The following PACRG variants were observed in gnomAD, a reference collection of about 807,000 sequenced individuals.
The protein encoded by PACRG is parkin coregulated gene protein.
Under a neutral mutation model 29.7 loss-of-function variants are expected in PACRG, and 29 were observed. The observed-to-expected ratio is 0.98, with a 90% CI of 0.73 to 1.33. The LOEUF (loss-of-function observed/expected upper bound fraction) is 1.33, where lower values mean the gene tolerates loss of function less well. Ranked by LOEUF, PACRG falls within the 40% of genes most tolerant of loss-of-function variation. PACRG has a pLI of 0.00. For missense variants in PACRG, 279 were observed against 316.2 expected, an observed-to-expected ratio of 0.88 and a Z score of 0.89; for synonymous variants, 116 against 118.7, an observed-to-expected ratio of 0.98 and a Z score of 0.15.
In PACRG at chr6:163,059,539, G is replaced by T. The variant is rs977275761; in HGVS notation, c.292-2611G>T. 2.2e-4 allele frequency among the ~76,000 whole-genome samples: 33 copies of T among 152,032 alleles called. 1 individual carries two copies. Among genetic ancestry groups the T allele is most frequent in the Admixed American group, 2.2e-3 (33 of 15,274 alleles). On this transcript the variant is annotated intron_variant, in intron 2 of 4. Transcript: ENST00000366888. Reference sequence around the variant, plus strand: ...ATGATAAAGAGGATAAGGACATAAGGGTAAATTCAACAATTTACCAGGAGG... The same window carrying T: ...ATGATAAAGAGGATAAGGACATAAGTGTAAATTCAACAATTTACCAGGAGG...
At chr6:163,241,779 A>G (rs1406510943) in intron 4 of PACRG, among the ~76,000 whole-genome samples, 2 of 152,206 alleles carry the variant, frequency 1.3e-5, no homozygotes, top group Non-Finnish European at 2.9e-5. Context: ...TGTAGAAGGC[A>G]AAAGGGGAAA....
rs560170938 is a variant in PACRG at position 163,008,792 on chromosome 6, A to G, written c.292-53358A>G. 3.9e-4 allele frequency among the ~76,000 whole-genome samples: 59 copies of G among 151,946 alleles called. 1 individual carries two copies. The highest frequency in any genetic ancestry group is 7.7e-4 in the Non-Finnish European group (52 of 67,962). ...GTAACGTGAAAGGAGCTTCTAATCTACTAAACAGAACATCCATACATGTCA... is the reference window on the plus strand; with the variant it reads ...GTAACGTGAAAGGAGCTTCTAATCTGCTAAACAGAACATCCATACATGTCA... On this transcript the variant is annotated intron_variant, in intron 2 of 4. Transcript: ENST00000366888.
chr6:163,305,934 C>G (rs1295723240), intron 4 of PACRG, among the ~76,000 whole-genome samples: 1 of 152,194 alleles, frequency 6.6e-6, no homozygotes, highest in Admixed American at 6.5e-5. Flanking sequence ...CTACCTCCTG[C>G]TCTCGCTGTG....
intron 4 of PACRG, among the ~76,000 whole-genome samples, chr6:163,156,666 A>G (rs139264403): frequency 1.3e-5 from 2 of 152,212 alleles, no homozygotes; most frequent in African/African-American, 4.8e-5. Context: ...TTGCAGCTCA[A>G]TAGTGCAGAA....
chr6:163,138,875 T>C (rs1033579), intron 4 of PACRG, among the ~76,000 whole-genome samples: 31,933 of 152,242 alleles, frequency 0.21, 4,671 homozygotes, highest in African/African-American at 0.41. Context: ...GAGTTTCCTA[T>C]ATTACCTCAC....
chr6:163,160,975 T>C (rs1279384067), intron 4 of PACRG, among the ~76,000 whole-genome samples: 1 of 152,210 alleles, frequency 6.6e-6, no homozygotes, highest in Non-Finnish European at 1.5e-5. Context: ...ATGAGGCACC[T>C]GGAGCCCAGA....
At chr6:162,781,932 A>C (rs1453294421) in intron 1 of PACRG, among the ~76,000 whole-genome samples, 1 of 151,912 alleles carries the variant, frequency 6.6e-6, no homozygotes, top group African/African-American at 2.4e-5. Context: ...AATTATATTA[A>C]ATGTAAATGG....
chr6:163,072,307 A>G (rs937434262), intron 3 of PACRG, among the ~76,000 whole-genome samples: 1 of 152,176 alleles, frequency 6.6e-6, no homozygotes, highest in Admixed American at 6.6e-5. Flanking sequence ...AAAGCAATCA[A>G]TGTTATACAG....
chr6:163,206,991 A>G (rs1780930331), intron 4 of PACRG, among the ~76,000 whole-genome samples: 1 of 152,188 alleles, frequency 6.6e-6, no homozygotes. Context: ...TCACTTTGCT[A>G]TCAGGTCAGT....
chr6:162,897,224 G>A (rs1365603401), intron 2 of PACRG, among the ~76,000 whole-genome samples: 1 of 152,222 alleles, frequency 6.6e-6, no homozygotes, highest in Non-Finnish European at 1.5e-5. Context: ...AAGTCATGAA[G>A]CTGAAAGTAA....
intron 4 of PACRG, among the ~76,000 whole-genome samples, chr6:163,144,347 TACACACACAC>T (rs34737289): frequency 2.1e-5 from 2 of 93,892 alleles, no homozygotes; most frequent in East Asian, 1.1e-3. Flanking sequence ...CACACATACA[TACACACACAC>T]ACACACACAC....
chr6:163,200,176 T>A (rs569217180), intron 4 of PACRG, among the ~76,000 whole-genome samples: 1 of 152,282 alleles, frequency 6.6e-6, no homozygotes, highest in Admixed American at 6.5e-5. Context: ...CTTTATGTAC[T>A]GCCAGTCTGA....
At chr6:163,245,139 C>T in intron 4 of PACRG, 1 of 409,050 alleles carries the variant, frequency 2.4e-6, no homozygotes, top group Non-Finnish European at 4.9e-6. Flanking sequence ...GTAATTAATT[C>T]CAAACTAAAT....
chr6:163,138,502 C>T (rs2128333149), intron 4 of PACRG, among the ~76,000 whole-genome samples: 1 of 152,344 alleles, frequency 6.6e-6, no homozygotes, highest in South Asian at 2.1e-4. Flanking sequence ...CAGGATGAAA[C>T]TGCTCCACCT....
chr6:163,128,454 T>G (rs1426471149), intron 4 of PACRG, among the ~76,000 whole-genome samples: 2 of 152,222 alleles, frequency 1.3e-5, no homozygotes, highest in East Asian at 3.8e-4. Flanking sequence ...GAGATGTCTA[T>G]CATGTAGAAA....
rs112710216 is a variant in PACRG, at chr6:162,793,993, A to G, written c.157-20154A>G. 5.6e-3 allele frequency among the ~76,000 whole-genome samples: 852 copies of G among 152,334 alleles called. 11 individuals are homozygous for G. The highest frequency in any genetic ancestry group is 0.02 in the African/African-American group (813 of 41,568). ...GCACATGTACCCTTGAACTTAAAATAAAAGTTAAATTTAAAAAGTATGCAT... is the reference window on the plus strand; with the variant it reads ...GCACATGTACCCTTGAACTTAAAATGAAAGTTAAATTTAAAAAGTATGCAT... On this transcript the variant is annotated intron_variant, in intron 1 of 4. Transcript: ENST00000366888.
At chr6:163,010,303 T>A (rs567800009) in intron 2 of PACRG, among the ~76,000 whole-genome samples, 40 of 152,352 alleles carry the variant, frequency 2.6e-4, no homozygotes, top group African/African-American at 8.2e-4. Context: ...AATCCATTTT[T>A]AAAAAAATTT....
intron 4 of PACRG, among the ~76,000 whole-genome samples, chr6:163,252,262 T>C (rs80025640): frequency 6.6e-6 from 1 of 152,324 alleles, no homozygotes. Context: ...CACTGAATAT[T>C]CCCCAAGCAT....
At chr6:162,977,301 G>T (rs1016728226) in intron 2 of PACRG, among the ~76,000 whole-genome samples, 1 of 151,580 alleles carries the variant, frequency 6.6e-6, no homozygotes, top group African/African-American at 2.4e-5. Context: ...ATAGATAAAT[G>T]AATATAAATT....
Sources: allele counts gnomAD v4.1 joint callset (sites outside exome capture counted in the v4.1 genomes callset), GRCh38; gene constraint gnomAD v4.1.1; transcripts MANE v1.5; gene names NCBI Gene and HGNC (gene_info 2026-07-23, HGNC 2026-07-21).